The following RYK variants were observed in gnomAD, a reference collection of about 807,000 sequenced individuals.
RYK encodes the protein receptor like tyrosine kinase, also known as inactive tyrosine-protein kinase RYK.
In RYK, 21 loss-of-function variants were observed where a neutral mutation model predicts 70.2. The ratio of observed to expected loss-of-function variants is 0.30; its 90% CI spans 0.21 to 0.43. The LOEUF is 0.43. RYK is among the 20% of genes least tolerant of loss of function. The pLI is 1.00. For missense variants in RYK, 604 were observed against 753.3 expected (o/e 0.80, Z 2.32); for synonymous variants, 267 against 278.0 (o/e 0.96, Z 0.39).
intron 9 of RYK, among the ~76,000 whole-genome samples, chr3:134,184,816 A>G (rs760276124): frequency 6.9e-4 from 105 of 152,168 alleles, no homozygotes; most frequent in South Asian, 2.3e-3. Context: ...TTTAAAAAAT[A>G]GTTTTTAAAT....
At chr3:134,172,782 G>A (rs1230531076) in intron 13 of RYK, among the ~76,000 whole-genome samples, 3 of 152,100 alleles carry the variant, frequency 2.0e-5, no homozygotes, top group Non-Finnish European at 4.4e-5. Context: ...TATCATCAGA[G>A]CTCTGGAAAA....
At chr3:134,171,861 GGA>G (rs2012924832) in intron 13 of RYK, among the ~76,000 whole-genome samples, 1 of 149,982 alleles carries the variant, frequency 6.7e-6, no homozygotes, top group Non-Finnish European at 1.5e-5. Context: ...AAGTAGCTAA[GGA>G]AAAAAAAAAA....
Position 134,250,703 on chromosome 3 carries a change from G to T in RYK, c.-49C>A. The T allele has an allele frequency of 1.1e-6, 1 of 903,150 alleles. No homozygotes were observed. Among genetic ancestry groups the T allele is most frequent in the Non-Finnish European group, 1.3e-6 (1 of 758,360 alleles). The allele number at this position is 903,150 out of a possible 1,614,324, so 55.9% of individuals were successfully genotyped here. A position where few individuals can be genotyped will look rare whatever the true frequency, so the allele number is the denominator to read the frequency against. The stretch of plus-strand genomic sequence containing the variant: ...AGGAGCGTCGGCCGCCCGCCGCACC[G>T]CCGCCCACCCCCGGCCCCGAGCCGC... On this transcript the variant is annotated 5_prime_UTR_variant, in exon 1 of 15. Transcript: ENST00000623711.
chr3:134,203,778 A>G (rs1162097740), intron 5 of RYK, among the ~76,000 whole-genome samples: 2 of 152,252 alleles, frequency 1.3e-5, no homozygotes, highest in East Asian at 3.8e-4. Flanking sequence ...TGCAGTGACG[A>G]AAATGTTCTC....
Position 134,250,501 on chromosome 3 carries a change from G to A in RYK, c.154C>T (p.Pro52Ser), listed in dbSNP as rs936148294. 8.6e-6 allele frequency: 11 copies of A among 1,276,602 alleles called. No homozygotes were observed. Among genetic ancestry groups the A allele is most frequent in the African/African-American group, 3.1e-5 (2 of 64,608 alleles). The allele number at this position is 1,276,602 out of a possible 1,614,324, so 79.1% of individuals were successfully genotyped here. ...PGAAAAPAPR[P>S]PELQSASAGP... ...GCGGAAGCCGACTGCAGCTCCGGGG[G>A]CCGCGGGGCGGGGGCGGCGGCAGCG... Residue 52 changes from proline (P) to serine (S), a missense_variant, in exon 1 of 15, where the codon CCC (proline) becomes TCC (serine). This residue lies in a region of RYK where 466 missense variants were observed against 535.9 expected (regional missense o/e 0.87). Coordinates refer to ENST00000623711, the MANE Select transcript of RYK (RefSeq NM_002958.4).
chr3:134,216,764 G>C (rs1200225247), intron 2 of RYK, among the ~76,000 whole-genome samples: 2 of 122,708 alleles, frequency 1.6e-5, no homozygotes, highest in African/African-American at 6.4e-5. Context: ...CTGCACTCCA[G>C]CCTGGGCGAC....
chr3:134,189,236 A>G (rs553770386), intron 8 of RYK, among the ~76,000 whole-genome samples: 29 of 152,368 alleles, frequency 1.9e-4, no homozygotes, highest in African/African-American at 6.7e-4. Flanking sequence ...GGTATCCACA[A>G]TGGCATTTAT....
At chr3:134,245,491 C>T (rs770955565) in intron 1 of RYK, among the ~76,000 whole-genome samples, 1 of 152,060 alleles carries the variant, frequency 6.6e-6, no homozygotes, top group Non-Finnish European at 1.5e-5. Context: ...ATGGTCACTG[C>T]CCCTCAGGAC....
intron 7 of RYK, among the ~76,000 whole-genome samples, chr3:134,193,892 T>C (rs781381163): frequency 2.6e-5 from 4 of 152,254 alleles, no homozygotes; most frequent in Admixed American, 6.5e-5. Flanking sequence ...GGTTAACTTG[T>C]AGGGGGTGCA....
At chr3:134,160,278 A>G (rs1395814405) in intron 13 of RYK, among the ~76,000 whole-genome samples, 1 of 152,146 alleles carries the variant, frequency 6.6e-6, no homozygotes, top group Non-Finnish European at 1.5e-5. Flanking sequence ...AGGTGAGAAA[A>G]CTGAGGCTCA....
At chr3:134,219,010 C>T (rs1276454631) in intron 2 of RYK, among the ~76,000 whole-genome samples, 1 of 152,160 alleles carries the variant, frequency 6.6e-6, no homozygotes, top group Non-Finnish European at 1.5e-5. Context: ...AAACTTCTGC[C>T]TCACAAAGAA....
intron 5 of RYK, among the ~76,000 whole-genome samples, chr3:134,206,497 G>C (rs1230328744): frequency 6.6e-6 from 1 of 152,068 alleles, no homozygotes; most frequent in Non-Finnish European, 1.5e-5. Context: ...GCTTCATTTG[G>C]ATCTTGATTC....
chr3:134,195,610 A>G (rs1387814404), intron 6 of RYK, among the ~76,000 whole-genome samples: 2 of 152,220 alleles, frequency 1.3e-5, no homozygotes, highest in Non-Finnish European at 2.9e-5. Context: ...ACAGATAAAG[A>G]AAGAGCAAAC....
intron 1 of RYK, among the ~76,000 whole-genome samples, chr3:134,241,074 A>G (rs925472975): frequency 2.0e-5 from 3 of 150,364 alleles, no homozygotes; most frequent in Admixed American, 1.3e-4. Context: ...TAATCCCAGC[A>G]CTTTGGGAAG....
intron 3 of RYK, among the ~76,000 whole-genome samples, chr3:134,211,266 A>G (rs1385875395): frequency 6.6e-6 from 1 of 152,238 alleles, no homozygotes; most frequent in Non-Finnish European, 1.5e-5. Context: ...TGTGGAGGTA[A>G]GTACCAGCAA....
intron 1 of RYK, among the ~76,000 whole-genome samples, chr3:134,229,812 A>G (rs2015009977): frequency 6.6e-6 from 1 of 152,190 alleles, no homozygotes. Flanking sequence ...AAGAGGTGCT[A>G]AACATCCTTA....
At chr3:134,181,787 G>T (rs148908785) in intron 10 of RYK, 67 of 152,222 alleles carry the variant, frequency 4.4e-4, no homozygotes, top group African/African-American at 1.5e-3. Flanking sequence ...CACACATTAT[G>T]ATGTTACATT....
intron 6 of RYK, among the ~76,000 whole-genome samples, chr3:134,201,249 GT>G (rs2014008378): frequency 6.6e-6 from 1 of 152,062 alleles, no homozygotes; most frequent in Non-Finnish European, 1.5e-5. Flanking sequence ...CTTCTCATTC[GT>G]ATCCCTTTTC....
intron 13 of RYK, 89 bp downstream of exon 13, chr3:134,175,520 T>A (rs2013067195): frequency 6.7e-7 from 1 of 1,489,004 alleles, no homozygotes; most frequent in Non-Finnish European, 9.1e-7. Context: ...GCAGATTTTT[T>A]AAAAACCCAA....
Sources: gnomAD v4.1 joint callset for allele counts (sites outside exome capture counted in the v4.1 genomes callset) on GRCh38, gnomAD v4.1.1 for gene constraint, gnomAD v4.1.1 regional missense constraint, MANE v1.5 for transcripts, NCBI Gene and HGNC (gene_info 2026-07-23, HGNC 2026-07-21) for gene names.